Variants in EXOC6 observed in about 807,000 individuals in gnomAD.
EXOC6 encodes exocyst complex component 6, also known as SEC15-like 1.
A neutral mutation model predicts 112.5 loss-of-function variants in EXOC6; 60 were observed. That is an observed-to-expected ratio of 0.53 (90% CI 0.43 to 0.66). The LOEUF (loss-of-function observed/expected upper bound fraction) is 0.66. EXOC6 is among the 30% of genes least tolerant of loss of function. EXOC6 has a pLI of 0.00. For missense variants in EXOC6, 855 were observed against 957.1 expected (o/e 0.89, Z 1.41); for synonymous variants, 295 against 308.0 (o/e 0.96, Z 0.44).
chr10:92,880,834 G>A (rs1052750228), intron 1 of EXOC6, among the ~76,000 whole-genome samples: 4 of 152,038 alleles, frequency 2.6e-5, no homozygotes, highest in African/African-American at 9.7e-5. Flanking sequence ...GCACCAAAAA[G>A]GACTAGTGCC....
intron 1 of EXOC6, 78 bp from the exon 2 acceptor site, chr10:92,893,271 A>T (rs1226764728): frequency 2.9e-6 from 3 of 1,036,040 alleles, no homozygotes; most frequent in Admixed American, 5.3e-5. Flanking sequence ...ATTTAATTTT[A>T]AGATATCACC....
intron 1 of EXOC6, among the ~76,000 whole-genome samples, chr10:92,828,690 C>CTG (rs71028851): frequency 8.2e-4 from 86 of 105,196 alleles, no homozygotes; most frequent in African/African-American, 2.9e-3. Flanking sequence ...TTTTGTGTGT[C>CTG]TGTGTGTGTG....
At chr10:92,828,478 T>A (rs10882116) in intron 1 of EXOC6, among the ~76,000 whole-genome samples, 24,133 of 151,936 alleles carry the variant, frequency 0.16, 3,158 homozygotes, top group East Asian at 0.67. Context: ...AGACTACAGA[T>A]GTGTGCCACC....
chr10:93,057,126 G>T, intron 21 of EXOC6, 90 bp downstream of exon 21: 4 of 687,356 alleles, frequency 5.8e-6, no homozygotes, highest in Non-Finnish European at 9.5e-6. Flanking sequence ...TGTCAAAAAA[G>T]AAAAGTCTAG....
intron 20 of EXOC6, among the ~76,000 whole-genome samples, chr10:93,027,834 C>G (rs149998310): frequency 5.6e-4 from 86 of 152,334 alleles, no homozygotes; most frequent in African/African-American, 2.0e-3. Context: ...TGCCTGCTAA[C>G]ACAGCATTCA....
chr10:93,028,355 G>C (rs1208568491), intron 20 of EXOC6, among the ~76,000 whole-genome samples: 1 of 152,164 alleles, frequency 6.6e-6, no homozygotes, highest in Admixed American at 6.5e-5. Flanking sequence ...CAAGACTTCA[G>C]TGGAGGAACT....
At position 92,940,716 on chromosome 10, in the gene EXOC6, T is replaced by TTG. The variant is rs1294701114; in HGVS notation, c.1213-9_1213-8dup. The stretch of plus-strand genomic sequence containing the variant: ...CTTGTTTATCTGCTTTTTTTTTTTT[T>TTG]TGTATTTTAGGGTTATGGTTTTCCA... On this transcript the variant is annotated splice_polypyrimidine_tract_variant and intron_variant, in intron 12 of 21. Coordinates refer to ENST00000260762, the MANE Select transcript of EXOC6 (RefSeq NM_019053.6). 4 of 1,538,006 alleles carry TTG rather than the reference T, an allele frequency of 2.6e-6. No individual in the cohort carries two copies. The highest frequency in any genetic ancestry group is 2.1e-5 in the Admixed American group (1 of 47,736).
At chr10:92,928,237 C>G in intron 8 of EXOC6, 102 bp from the exon 9 acceptor site, 1 of 600,324 alleles carries the variant, frequency 1.7e-6, no homozygotes, top group Non-Finnish European at 3.0e-6. Flanking sequence ...CATTTACATT[C>G]TAGTTAGAGA....
chr10:92,970,894 A>G (rs555079272), intron 17 of EXOC6, among the ~76,000 whole-genome samples: 6 of 152,178 alleles, frequency 3.9e-5, no homozygotes, highest in Non-Finnish European at 8.8e-5. Context: ...AAATGTGGGA[A>G]TGGTACATTT....
intron 21 of EXOC6, among the ~76,000 whole-genome samples, 174 bp from the exon 22 acceptor site, chr10:93,058,049 T>G (rs888541498): frequency 4.6e-5 from 7 of 152,194 alleles, no homozygotes; most frequent in Non-Finnish European, 1.0e-4. Context: ...AGCTTCTAAT[T>G]TTTTGCATGG....
chr10:93,053,346 G>A (rs1193145885), intron 20 of EXOC6, among the ~76,000 whole-genome samples: 7 of 152,094 alleles, frequency 4.6e-5, no homozygotes, highest in African/African-American at 1.7e-4. Flanking sequence ...ATAAAGTCCT[G>A]GTTTTTTGTT....
At chr10:92,926,637 G>A (rs968132958) in intron 8 of EXOC6, among the ~76,000 whole-genome samples, 15 of 151,974 alleles carry the variant, frequency 9.9e-5, no homozygotes, top group African/African-American at 2.9e-4. Flanking sequence ...AAACTCAAAC[G>A]ATCCTCTTGT....
intron 13 of EXOC6, among the ~76,000 whole-genome samples, chr10:92,946,118 G>A (rs1044992476): frequency 6.6e-6 from 1 of 151,064 alleles, no homozygotes; most frequent in African/African-American, 2.4e-5. Flanking sequence ...GTGGAACCCC[G>A]TCTCTACTAA....
intron 18 of EXOC6, among the ~76,000 whole-genome samples, chr10:92,986,152 A>G (rs1164800279): frequency 3.3e-5 from 5 of 152,160 alleles, no homozygotes; most frequent in African/African-American, 1.2e-4. Flanking sequence ...CATGGTAGTT[A>G]TATGTTGAAT....
intron 17 of EXOC6, 88 bp downstream of exon 17, chr10:92,955,802 C>A: frequency 2.6e-6 from 3 of 1,174,668 alleles, no homozygotes. Context: ...TATGCAAGAT[C>A]TACTATATTC....
chr10:92,976,390 GTGC>G (rs1215230912), intron 18 of EXOC6, among the ~76,000 whole-genome samples: 3 of 152,068 alleles, frequency 2.0e-5, no homozygotes, highest in Non-Finnish European at 4.4e-5. Flanking sequence ...TCTGAAACAT[GTGC>G]TGTGTCCACT....
At chr10:92,881,662 A>G (rs1202351731) in intron 1 of EXOC6, among the ~76,000 whole-genome samples, 1 of 152,022 alleles carries the variant, frequency 6.6e-6, no homozygotes, top group East Asian at 1.9e-4. Flanking sequence ...TTGCTTCTGG[A>G]TTGCAGAGTA....
chr10:92,931,554 C>G (rs1852041065), intron 9 of EXOC6, among the ~76,000 whole-genome samples: 1 of 151,202 alleles, frequency 6.6e-6, no homozygotes, highest in South Asian at 2.1e-4. Flanking sequence ...ATCAGTTTAT[C>G]TCTGGTAAAA....
intron 19 of EXOC6, among the ~76,000 whole-genome samples, chr10:93,010,506 C>CG (rs200983678): frequency 0.01 from 1,577 of 152,086 alleles, 30 homozygotes; most frequent in African/African-American, 0.036. Context: ...TTGAGACCAG[C>CG]TGGCCAACAT....
Sources: gnomAD v4.1 joint callset for allele counts (sites outside exome capture counted in the v4.1 genomes callset) on GRCh38, gnomAD v4.1.1 for gene constraint, MANE v1.5 for transcripts, NCBI Gene and HGNC (gene_info 2026-07-23, HGNC 2026-07-21) for gene names.